ABLIM1: variants seen among roughly 807,000 people sequenced by gnomAD.
ABLIM1 encodes the protein actin-binding LIM protein 1.
Under a neutral mutation model 107.0 loss-of-function variants are expected in ABLIM1, and 40 were observed. The ratio of observed to expected loss-of-function variants is 0.37; its 90% CI spans 0.29 to 0.49. ABLIM1 has a LOEUF of 0.49. ABLIM1 is among the 20% of genes least tolerant of loss of function. The pLI is 0.97. For synonymous variants in ABLIM1, 357 were observed against 357.3 expected (o/e 1.00, Z 0.01); for missense variants, 857 against 1,008.5 (o/e 0.85, Z 2.04).
intron 2 of ABLIM1, among the ~76,000 whole-genome samples, chr10:114,577,238 A>G (rs2072714992): frequency 1.3e-5 from 2 of 152,220 alleles, no homozygotes; most frequent in Non-Finnish European, 2.9e-5. Context: ...AGGAAACACA[A>G]TGTTTGAAAT....
intron 7 of ABLIM1, among the ~76,000 whole-genome samples, chr10:114,491,012 G>GTGTGTGTATATATATA: frequency 0.078 from 7,161 of 91,852 alleles, 504 homozygotes; most frequent in Non-Finnish European, 0.11. Context: ...GTGTGTGTGT[G>GTGTGTGTATATATATA]TATATATATA....
intron 19 of ABLIM1, among the ~76,000 whole-genome samples, chr10:114,440,498 T>A (rs1589675422): frequency 6.6e-6 from 1 of 151,928 alleles, no homozygotes; most frequent in Admixed American, 6.6e-5. Context: ...CAGGCTGGAG[T>A]GCAGTGGCAT....
upstream of ABLIM1, among the ~76,000 whole-genome samples, chr10:114,661,373 A>G (rs1428280598): frequency 6.6e-6 from 1 of 152,208 alleles, no homozygotes; most frequent in Non-Finnish European, 1.5e-5. Flanking sequence ...CCACTCCCCA[A>G]GTGCTCAGAG....
chr10:114,724,775 G>C (rs141911757), intron 1 of ABLIM1, among the ~76,000 whole-genome samples: 45 of 152,216 alleles, frequency 3.0e-4, no homozygotes, highest in African/African-American at 1.1e-3. Flanking sequence ...GCCCTAAGGA[G>C]AGACTCAAAG....
intron 12 of ABLIM1, 44 bp from the exon 13 acceptor site, chr10:114,453,527 G>C: frequency 7.1e-7 from 1 of 1,402,888 alleles, no homozygotes; most frequent in Non-Finnish European, 9.5e-7. Flanking sequence ...AGAAGGGAGA[G>C]AGAAACAAAG....
chr10:114,757,782 A>G (rs2082663688), intron 1 of ABLIM1, among the ~76,000 whole-genome samples: 1 of 152,120 alleles, frequency 6.6e-6, no homozygotes, highest in Admixed American at 6.6e-5. Flanking sequence ...TCATGTCACA[A>G]CTCTGCTCAG....
chr10:114,755,259 C>T (rs1273162471), intron 1 of ABLIM1, among the ~76,000 whole-genome samples: 2 of 152,180 alleles, frequency 1.3e-5, no homozygotes, highest in African/African-American at 2.4e-5. Context: ...CATCTAATGC[C>T]TGATGATCTT....
At chr10:114,558,692 G>A (rs1010132192) in intron 4 of ABLIM1, among the ~76,000 whole-genome samples, 14 of 152,182 alleles carry the variant, frequency 9.2e-5, no homozygotes, top group African/African-American at 3.4e-4. Context: ...TTTAGTATCT[G>A]CTTAAAGACA....
intron 1 of ABLIM1, among the ~76,000 whole-genome samples, chr10:114,606,299 G>A (rs2076404451): frequency 1.3e-5 from 2 of 152,064 alleles, no homozygotes; most frequent in East Asian, 1.9e-4. Flanking sequence ...GCAGTGGTGC[G>A]ATGTCAGCTC....
chr10:114,471,196 A>T (rs2066473555), intron 10 of ABLIM1, among the ~76,000 whole-genome samples: 1 of 152,178 alleles, frequency 6.6e-6, no homozygotes, highest in Admixed American at 6.5e-5. Context: ...TGTCTGGCAG[A>T]GTCTGGTTTT....
chr10:114,545,087 G>A lies in ABLIM1; in HGVS notation c.812C>T (p.Pro271Leu), dbSNP rs1366832886. The A allele has an allele frequency of 2.5e-6, 4 of 1,614,008 alleles. No individual in the cohort carries two copies. Among genetic ancestry groups the A allele is most frequent in the African/African-American group, 1.3e-5 (1 of 74,888 alleles). Residue 271 changes from proline to leucine, a missense_variant, in exon 6 of 23, where the codon CCG becomes CTG. Physicochemically the swap from Pro to Leu is moderately conservative, Grantham distance 98 (BLOSUM62 -3). Around this residue, in one of 5 missense-constraint regions of ABLIM1, gnomAD observed 381 missense variants for 506.9 expected, o/e 0.75. Transcript: ENST00000533213. ...TGEYISKDGA[P>L]YCEKDYQGLF... ...TCCCTGGTAGTCCTTTTCACAGTAC[G>A]GAGCACCATCCCTGCAAGACAAAAA... is the stretch of plus-strand genomic sequence containing the variant.
At chr10:114,542,965 T>C (rs923852804) in intron 6 of ABLIM1, among the ~76,000 whole-genome samples, 36 of 152,150 alleles carry the variant, frequency 2.4e-4, no homozygotes, top group African/African-American at 8.4e-4. Flanking sequence ...CTTGGGTCAA[T>C]AATTAAAGCT....
At chr10:114,788,326 TAAAA>T in the ABLIM1 span, among the ~76,000 whole-genome samples, 1 of 131,366 alleles carries the variant, frequency 7.6e-6, no homozygotes, top group African/African-American at 2.8e-5. Context: ...GAATGATCAA[TAAAA>T]AAATAAAAAA....
In ABLIM1 at chr10:114,491,829, T is replaced by C. The variant is rs754437834; in HGVS notation, c.944A>G (p.Asn315Ser). 6.8e-6 allele frequency: 11 copies of C among 1,612,694 alleles called. No individual in the cohort carries two copies. In the East Asian group the frequency reaches 2.5e-4, roughly 36 times the overall value. ...TTCCTCTCCTTCTGTGAACATCTGG[T>C]TGCATCTGCTGCATCGTGCACAGCT... ...HPSCARCSRCNQMFTEGEEMY... is the reference protein window; with the variant it reads ...HPSCARCSRCSQMFTEGEEMY... The change falls in exon 7 of 23, where the codon AAC becomes AGC. Residue 315 changes from asparagine to serine, a missense_variant. This residue lies in a region of ABLIM1 where 381 missense variants were observed against 506.9 expected (regional missense o/e 0.75). Coordinates refer to ENST00000533213, the MANE Select transcript of ABLIM1 (RefSeq NM_002313.7).
chr10:114,613,717 A>AAGTTT, intron 1 of ABLIM1: 1 of 1,318,340 alleles, frequency 7.6e-7, no homozygotes. Context: ...CTGTGTTCAC[A>AAGTTT]GCATCCAACT....
chr10:114,439,221 C>T lies in ABLIM1; in HGVS notation c.2097G>A (p.Met699Ile). The change falls in exon 21 of 23, where the codon ATG becomes ATA. Residue 699 changes from methionine to isoleucine, a missense_variant. Around this residue, in one of 5 missense-constraint regions of ABLIM1, gnomAD observed 193 missense variants for 208.5 expected, o/e 0.93. Transcript: ENST00000533213. Reference sequence around the variant, plus strand: ...GCATAGACACTCCTCGGTCCATTCTCATTGCAGGCATGTGGCCATCTGGGA... The same window carrying T: ...GCATAGACACTCCTCGGTCCATTCTTATTGCAGGCATGTGGCCATCTGGGA... The part of the protein sequence containing the change: ...QTLPDGHMPA[M>I]RMDRGVSMPN... The T allele has an allele frequency of 6.2e-7, 1 of 1,614,234 alleles. No individual in the cohort carries two copies. Among genetic ancestry groups the T allele is most frequent in the East Asian group, 2.2e-5 (1 of 44,884 alleles).
intron 1 of ABLIM1, among the ~76,000 whole-genome samples, chr10:114,617,632 G>T (rs1445704559): frequency 1.3e-5 from 2 of 152,028 alleles, no homozygotes; most frequent in Non-Finnish European, 2.9e-5. Context: ...CTTTGGCTCT[G>T]GGCTGTGCTT....
In ABLIM1 at chr10:114,451,021, A is replaced by G. The variant is rs186239743; in HGVS notation, c.1594+603T>C. ...TTCTTAGTTTGCAGGAAGTTCAGAG[A>G]CAAACTGATCTAACTAACTGGTTTT... is the stretch of plus-strand genomic sequence containing the variant. On this transcript the variant is annotated intron_variant, in intron 14 of 22. Transcript: ENST00000533213. 7.5e-3 allele frequency among the ~76,000 whole-genome samples: 1,137 copies of G among 152,334 alleles called. 7 individuals carry two copies. The highest frequency in any genetic ancestry group is 0.014 in the Middle Eastern group (4 of 294).
intron 2 of ABLIM1, among the ~76,000 whole-genome samples, chr10:114,590,244 C>T (rs2074707286): frequency 6.6e-6 from 1 of 152,108 alleles, no homozygotes; most frequent in Non-Finnish European, 1.5e-5. Context: ...ATGGAATGAC[C>T]TAATGATGTG....
Sources: gnomAD v4.1 joint callset for allele counts (sites outside exome capture counted in the v4.1 genomes callset) on GRCh38, gnomAD v4.1.1 for gene constraint, gnomAD v4.1.1 regional missense constraint, MANE v1.5 for transcripts, NCBI Gene and HGNC (gene_info 2026-07-23, HGNC 2026-07-21) for gene names.